WBP2NL: variants seen among roughly 807,000 people sequenced by gnomAD.
WBP2NL encodes the protein postacrosomal sheath WW domain-binding protein.
In WBP2NL, 27 loss-of-function variants were observed where a neutral mutation model predicts 23.3. The observed-to-expected ratio is 1.16, with a 90% CI of 0.85 to 1.60. The LOEUF is 1.60. Among genes scored for constraint, WBP2NL ranks in the 40% most tolerant of loss-of-function variants. The probability of loss-of-function intolerance (pLI) is 0.00; values close to 1 mark genes in which losing one functional copy is unlikely to be tolerated. For synonymous variants in WBP2NL, 151 were observed against 145.9 expected, an observed-to-expected ratio of 1.03 and a Z score of -0.25; for missense variants, 370 against 389.5, an observed-to-expected ratio of 0.95 and a Z score of 0.42.
chr22:42,033,634 A>C (rs1345506070), downstream of WBP2NL, among the ~76,000 whole-genome samples: 1 of 152,018 alleles, frequency 6.6e-6, no homozygotes, highest in Non-Finnish European at 1.5e-5. Context: ...ATCTGCAGGC[A>C]GGTCTTCCTG....
intron 8 of WBP2NL, among the ~76,000 whole-genome samples, chr22:42,045,057 C>A (rs569746026): frequency 6.6e-6 from 1 of 152,056 alleles, no homozygotes; most frequent in South Asian, 2.1e-4. Flanking sequence ...TCTTGAACTC[C>A]TGGCCTTAAT....
At chr22:42,010,132 C>T (rs1037389770) in intron 1 of WBP2NL, among the ~76,000 whole-genome samples, 1 of 152,086 alleles carries the variant, frequency 6.6e-6, no homozygotes, top group African/African-American at 2.4e-5. Context: ...AGAAATGCAA[C>T]TATATTTGTG....
chr22:42,055,321 C>G (rs1017051723), intron 8 of WBP2NL, among the ~76,000 whole-genome samples: 1 of 152,132 alleles, frequency 6.6e-6, no homozygotes, highest in Non-Finnish European at 1.5e-5. Flanking sequence ...ATTACAGGCG[C>G]CTGCCACCAA....
intron 8 of WBP2NL, among the ~76,000 whole-genome samples, chr22:42,045,024 T>C (rs1160968572): frequency 2.6e-5 from 4 of 152,074 alleles, no homozygotes; most frequent in Admixed American, 2.6e-4. Context: ...GAGATGGGCA[T>C]CTCACTATGT....
intron 8 of WBP2NL, among the ~76,000 whole-genome samples, chr22:42,049,440 T>C (rs972976055): frequency 1.4e-4 from 22 of 152,174 alleles, no homozygotes; most frequent in South Asian, 2.1e-4. Flanking sequence ...CCTGTAATCC[T>C]AGCACTTTGG....
chr22:42,054,239 GT>G (rs1925948085), intron 8 of WBP2NL, among the ~76,000 whole-genome samples: 1 of 152,002 alleles, frequency 6.6e-6, no homozygotes, highest in Non-Finnish European at 1.5e-5. Flanking sequence ...CCAGGCTAGA[GT>G]GCAGTGGCAC....
intron 8 of WBP2NL, among the ~76,000 whole-genome samples, chr22:42,048,552 C>T (rs1253921650): frequency 3.3e-5 from 5 of 151,756 alleles, no homozygotes; most frequent in African/African-American, 7.3e-5. Context: ...GTCAGGAGAT[C>T]GAGACCATCC....
chr22:42,023,447 G>A (rs1237609014), intron 5 of WBP2NL, among the ~76,000 whole-genome samples: 3 of 151,954 alleles, frequency 2.0e-5, no homozygotes. Flanking sequence ...TGCCCGCCTT[G>A]CCCTCCCGAG....
chr22:42,017,916 A>C (rs1378740002), intron 1 of WBP2NL, among the ~76,000 whole-genome samples: 1 of 152,112 alleles, frequency 6.6e-6, no homozygotes, highest in East Asian at 1.9e-4. Context: ...TGGGAGGTCG[A>C]GGCGGGCGGA....
intron 8 of WBP2NL, among the ~76,000 whole-genome samples, chr22:42,049,415 G>T (rs1925729101): frequency 6.6e-6 from 1 of 152,112 alleles, no homozygotes; most frequent in African/African-American, 2.4e-5. Flanking sequence ...AGGAGGCCGG[G>T]CACGGTGGCT....
intron 1 of WBP2NL, chr22:42,001,715 T>C: frequency 8.2e-7 from 1 of 1,220,928 alleles, no homozygotes; most frequent in Non-Finnish European, 1.2e-6. Context: ...GTTAAGAGCC[T>C]GGGTGGGGGA....
At chr22:42,004,708 G>GAGGTC (rs1350415034) in intron 1 of WBP2NL, among the ~76,000 whole-genome samples, 2 of 151,080 alleles carry the variant, frequency 1.3e-5, no homozygotes, top group African/African-American at 4.9e-5. Context: ...TGTATTGCTT[G>GAGGTC]AGGTCAGGAG....
At chr22:42,009,063 G>A (rs1204064896) in intron 1 of WBP2NL, among the ~76,000 whole-genome samples, 1 of 152,182 alleles carries the variant, frequency 6.6e-6, no homozygotes, top group African/African-American at 2.4e-5. Flanking sequence ...ACAGGCGTGA[G>A]CCACTGGGCC....
chr22:42,044,934 C>T (rs1197877342), intron 8 of WBP2NL, among the ~76,000 whole-genome samples: 1 of 152,018 alleles, frequency 6.6e-6, no homozygotes, highest in Non-Finnish European at 1.5e-5. Context: ...CTGCCTCAGC[C>T]TCCTGAATAG....
In WBP2NL at chr22:42,027,290, AGTT is replaced by A. The variant is rs1051090300; in HGVS notation, c.*113_*115del. ...ATGTGATCACAGGCTTCTCGCAGGT[AGTT>A]GTTCCACCCTTTGGAAGGGCAATCT... is the stretch of plus-strand genomic sequence containing the variant. On this transcript the variant is annotated 3_prime_UTR_variant, in exon 6 of 6. Transcript: ENST00000328823. The A allele has an allele frequency of 2.4e-5, 34 of 1,394,426 alleles. No individual in the cohort carries two copies. In the African/African-American group the frequency reaches 4.8e-4, roughly 20 times the overall value. The allele number at this position is 1,394,426 out of a possible 1,614,324, so 86.4% of individuals were successfully genotyped here.
chr22:42,023,578 A>G (rs1255018305), intron 5 of WBP2NL, among the ~76,000 whole-genome samples: 1 of 150,062 alleles, frequency 6.7e-6, no homozygotes, highest in Non-Finnish European at 1.5e-5. Flanking sequence ...TGCAAGCTCC[A>G]CCTCCCGGGT....
intron 8 of WBP2NL, among the ~76,000 whole-genome samples, chr22:42,055,720 G>A (rs190494271): frequency 9.9e-5 from 15 of 152,068 alleles, no homozygotes; most frequent in African/African-American, 2.9e-4. Context: ...ATTTGGACTC[G>A]TTAGGTATGC....
intron 5 of WBP2NL, among the ~76,000 whole-genome samples, chr22:42,025,846 T>C (rs1336144478): frequency 2.6e-5 from 4 of 152,200 alleles, no homozygotes; most frequent in African/African-American, 9.6e-5. Flanking sequence ...GTAAGGTTAA[T>C]TGGAAAGTCA....
At chr22:42,025,810 G>A (rs1368801106) in intron 5 of WBP2NL, among the ~76,000 whole-genome samples, 2 of 151,986 alleles carry the variant, frequency 1.3e-5, no homozygotes, top group East Asian at 3.8e-4. Context: ...TGTAACCCAA[G>A]GTAATAAGTA....
Sources: gnomAD v4.1 joint callset for allele counts (sites outside exome capture counted in the v4.1 genomes callset) on GRCh38, gnomAD v4.1.1 for gene constraint, MANE v1.5 for transcripts, NCBI Gene and HGNC (gene_info 2026-07-23, HGNC 2026-07-21) for gene names.